The following OLA1 variants were observed in gnomAD, a reference collection of about 807,000 sequenced individuals.
OLA1 encodes Obg like ATPase 1, also known as obg-like ATPase 1.
OLA1 carries 14 observed loss-of-function variants against 48.4 expected under a neutral mutation model. The observed-to-expected ratio is 0.29, with a 90% confidence interval of 0.19 to 0.45. The LOEUF is 0.45. OLA1 is among the 20% of genes least tolerant of loss of function. OLA1 has a pLI of 1.00. For synonymous variants in OLA1, 127 were observed against 150.4 expected (o/e 0.84, Z 1.14); for missense variants, 325 against 467.1 (o/e 0.70, Z 2.80).
intron 4 of OLA1, among the ~76,000 whole-genome samples, chr2:174,150,892 C>T (rs1686730115): frequency 6.6e-6 from 1 of 151,800 alleles, no homozygotes; most frequent in African/African-American, 2.4e-5. Context: ...AGCAGCAAGG[C>T]CTTTAAAAAT....
At position 174,219,375 on chromosome 2, in the gene OLA1, T is replaced by C. The variant is rs537602610; in HGVS notation, c.373+3658A>G. On this transcript the variant is annotated intron_variant, in intron 4 of 10. Transcript: ENST00000284719. ...TCAGTATCTTGGAAATATAGTTTTA[T>C]ACAAAATGAAAATTCAAACTATTGG... 6.1e-5 allele frequency among the ~76,000 whole-genome samples: 9 copies of C among 148,068 alleles called. No homozygotes were observed. The South Asian group carries it at 1.7e-3, about 29-fold the overall frequency.
intron 7 of OLA1, among the ~76,000 whole-genome samples, chr2:174,108,785 A>T (rs1685573798): frequency 6.6e-6 from 1 of 152,200 alleles, no homozygotes; most frequent in Non-Finnish European, 1.5e-5. Context: ...GGATAAAAGC[A>T]CAAGGAAGGT....
At chr2:174,132,734 TTTAA>T (rs1321916824) in intron 5 of OLA1, among the ~76,000 whole-genome samples, 1 of 152,286 alleles carries the variant, frequency 6.6e-6, no homozygotes, top group African/African-American at 2.4e-5. Context: ...TTGAAATTTG[TTTAA>T]TTGTTTTATG....
intron 3 of OLA1, among the ~76,000 whole-genome samples, chr2:174,226,434 G>A (rs1314942397): frequency 1.3e-5 from 2 of 151,752 alleles, no homozygotes; most frequent in East Asian, 1.9e-4. Context: ...ATTTTTAATC[G>A]CTATACTGTA....
Position 174,229,439 on chromosome 2 carries a change from G to T in OLA1, c.114C>A (p.Phe38Leu). ...VGLPNVGKST[F>L]FNVLTNSQAS... Reference sequence around the variant, plus strand: ...CCTGACTATTGGTTAACACATTGAAGAAAGTAGATTTCCTAAAACAAATAA... The same window carrying T: ...CCTGACTATTGGTTAACACATTGAATAAAGTAGATTTCCTAAAACAAATAA... Residue 38 changes from phenylalanine to leucine, a missense_variant, in exon 3 of 11, where the codon TTC becomes TTA. By Grantham distance (22) the Phe-to-Leu change is conservative. Transcript: ENST00000284719. 6.2e-7 allele frequency: 1 copy of T among 1,607,834 alleles called. No individual in the cohort carries two copies. The highest frequency in any genetic ancestry group is 8.5e-7 in the Non-Finnish European group (1 of 1,178,318).
intron 4 of OLA1, among the ~76,000 whole-genome samples, chr2:174,175,432 A>G (rs1484774496): frequency 1.3e-5 from 2 of 152,052 alleles, no homozygotes; most frequent in Non-Finnish European, 2.9e-5. Context: ...CAAAAGATTT[A>G]GACAGATACT....
intron 3 of OLA1, among the ~76,000 whole-genome samples, chr2:174,227,511 T>C (rs1688641660): frequency 6.6e-6 from 1 of 152,230 alleles, no homozygotes; most frequent in African/African-American, 2.4e-5. Context: ...CTACAACTTA[T>C]TCTCAAAAGT....
intron 1 of OLA1, chr2:174,247,973 C>A (rs1574580971): frequency 5.0e-6 from 3 of 597,108 alleles, no homozygotes. Context: ...GAGAGTTGTA[C>A]CTCCTAGGAC....
rs578205390 is a variant in OLA1, at chr2:174,225,202, T to A, written c.246-2042A>T. On this transcript the variant is annotated intron_variant, in intron 3 of 10. Coordinates refer to ENST00000284719, the MANE Select transcript of OLA1 (RefSeq NM_013341.5). ...GGTGCCTGTCTCCACTCTCTCTTGC[T>A]CCCCCTGTCTCCATGTGACACACCC... Among the ~76,000 whole-genome samples the A allele has an allele frequency of 7.0e-4, 106 of 152,172 alleles. 1 individual carries two copies. Among genetic ancestry groups the A allele is most frequent in the African/African-American group, 2.4e-3 (101 of 41,520 alleles).
intron 5 of OLA1, among the ~76,000 whole-genome samples, chr2:174,138,116 C>T (rs1332177223): frequency 6.6e-6 from 1 of 152,256 alleles, no homozygotes; most frequent in African/African-American, 2.4e-5. Flanking sequence ...TTTTCCTTTG[C>T]ATTCACAACT....
At chr2:174,083,829 T>A (rs1053307241) in intron 7 of OLA1, among the ~76,000 whole-genome samples, 1 of 152,166 alleles carries the variant, frequency 6.6e-6, no homozygotes, top group African/African-American at 2.4e-5. Context: ...AAAAGGAGAA[T>A]ATAAAAATAT....
chr2:174,087,095 C>T (rs577650764), intron 7 of OLA1, among the ~76,000 whole-genome samples: 3 of 148,846 alleles, frequency 2.0e-5, no homozygotes, highest in East Asian at 2.0e-4. Flanking sequence ...GGTGTGATCT[C>T]GGCTCACTGC....
chr2:174,088,532 T>G (rs556967167), intron 7 of OLA1, among the ~76,000 whole-genome samples: 2 of 152,348 alleles, frequency 1.3e-5, no homozygotes, highest in South Asian at 4.1e-4. Flanking sequence ...TTCTCAACTC[T>G]TCAAAATTCT....
At chr2:174,109,751 A>C (rs1306219431) in intron 7 of OLA1, among the ~76,000 whole-genome samples, 1 of 152,214 alleles carries the variant, frequency 6.6e-6, no homozygotes, top group Non-Finnish European at 1.5e-5. Context: ...GGAAAAAAAA[A>C]CACTTTTAAA....
intron 4 of OLA1, among the ~76,000 whole-genome samples, chr2:174,218,363 T>G (rs1177078322): frequency 4.6e-5 from 7 of 152,034 alleles, no homozygotes; most frequent in Admixed American, 4.6e-4. Flanking sequence ...TCACAAAGCT[T>G]TCCTGATGAA....
chr2:174,079,190 C>T (rs1684810734), intron 9 of OLA1, 100 bp from the exon 10 acceptor site: 2 of 955,342 alleles, frequency 2.1e-6, no homozygotes, highest in Non-Finnish European at 1.5e-6. Context: ...TCAACTAGAA[C>T]TTAGTTTAAT....
At chr2:174,089,030 AC>A (rs1243802346) in intron 7 of OLA1, among the ~76,000 whole-genome samples, 1 of 152,138 alleles carries the variant, frequency 6.6e-6, no homozygotes, top group African/African-American at 2.4e-5. Context: ...TGATCATATC[AC>A]TTGAGTGTGT....
intron 4 of OLA1, among the ~76,000 whole-genome samples, chr2:174,209,042 C>A (rs1194087277): frequency 6.6e-6 from 1 of 152,140 alleles, no homozygotes; most frequent in Admixed American, 6.6e-5. Flanking sequence ...GTAGTTTCAG[C>A]TATTGCTTGC....
chr2:174,172,265 T>A (rs1224271205), intron 4 of OLA1: 1 of 200,268 alleles, frequency 5.0e-6, no homozygotes, highest in Non-Finnish European at 1.1e-5. Flanking sequence ...CAGCCAACTG[T>A]ACCTTTATAA....
Sources: allele counts gnomAD v4.1 joint callset (sites outside exome capture counted in the v4.1 genomes callset), GRCh38; gene constraint gnomAD v4.1.1; transcripts MANE v1.5; gene names NCBI Gene and HGNC (gene_info 2026-07-23, HGNC 2026-07-21).